Variants in CHN1 observed in about 807,000 individuals in gnomAD.
The protein encoded by CHN1 is N-chimaerin.
Under a neutral mutation model 59.5 loss-of-function variants are expected in CHN1, and 37 were observed. That is an observed-to-expected ratio of 0.62 (90% CI 0.48 to 0.82). CHN1 has a LOEUF of 0.82. CHN1 is among the 40% of genes least tolerant of loss of function. The pLI is 0.00. For synonymous variants in CHN1, 206 were observed against 200.4 expected (o/e 1.03, Z -0.24); for missense variants, 469 against 571.0 (o/e 0.82, Z 1.82).
At chr2:174,983,615 G>A (rs554209993) in intron 1 of CHN1, among the ~76,000 whole-genome samples, 2 of 152,068 alleles carry the variant, frequency 1.3e-5, no homozygotes, top group East Asian at 3.9e-4. Context: ...GGATCATAAG[G>A]TCAGGAGTTT....
intron 3 of CHN1, among the ~76,000 whole-genome samples, chr2:174,931,888 A>C (rs999188905): frequency 9.2e-5 from 14 of 152,196 alleles, no homozygotes; most frequent in Non-Finnish European, 1.5e-5. Context: ...GTATCTGAGA[A>C]GCATGAAGAC....
chr2:174,830,441 T>C (rs1031916121), intron 7 of CHN1, among the ~76,000 whole-genome samples: 1 of 152,172 alleles, frequency 6.6e-6, no homozygotes, highest in African/African-American at 2.4e-5. Flanking sequence ...TGCCTTGTTG[T>C]TAAGTTACGT....
chr2:174,931,723 TG>T (rs977688147), intron 3 of CHN1, among the ~76,000 whole-genome samples: 1 of 152,172 alleles, frequency 6.6e-6, no homozygotes, highest in African/African-American at 2.4e-5. Context: ...CTGGGAATGC[TG>T]GGGGGATGAT....
At chr2:174,892,621 C>G (rs1688087965) in intron 5 of CHN1, among the ~76,000 whole-genome samples, 1 of 152,166 alleles carries the variant, frequency 6.6e-6, no homozygotes, top group Non-Finnish European at 1.5e-5. Flanking sequence ...TTTTATGATG[C>G]TAGCATTACT....
intron 3 of CHN1, among the ~76,000 whole-genome samples, chr2:174,923,712 A>G (rs1044020971): frequency 2.0e-5 from 3 of 152,178 alleles, no homozygotes; most frequent in Admixed American, 1.3e-4. Context: ...ACATTTCCCA[A>G]TCCAAGACAA....
At chr2:174,815,165 C>T (rs1050036261) in intron 8 of CHN1, among the ~76,000 whole-genome samples, 23 of 152,044 alleles carry the variant, frequency 1.5e-4, no homozygotes, top group African/African-American at 5.3e-4. Flanking sequence ...TTGCTTAAGG[C>T]CAGGAGTTTG....
chr2:174,926,676 T>G (rs1362630460), intron 3 of CHN1, among the ~76,000 whole-genome samples: 2 of 151,964 alleles, frequency 1.3e-5, no homozygotes, highest in Non-Finnish European at 2.9e-5. Context: ...TTTCCCTATC[T>G]CCCCTCACAA....
At chr2:174,886,960 C>T (rs556499085) in intron 5 of CHN1, among the ~76,000 whole-genome samples, 6 of 152,304 alleles carry the variant, frequency 3.9e-5, no homozygotes, top group African/African-American at 1.2e-4. Flanking sequence ...CCAATACCTC[C>T]AATGGCTTCC....
At chr2:174,888,889 A>T (rs1372712917) in intron 5 of CHN1, among the ~76,000 whole-genome samples, 1 of 152,242 alleles carries the variant, frequency 6.6e-6, no homozygotes, top group Non-Finnish European at 1.5e-5. Flanking sequence ...AAGAGGTCTT[A>T]TGGTGCCACA....
intron 7 of CHN1, among the ~76,000 whole-genome samples, chr2:174,826,863 T>C (rs1450474051): frequency 6.6e-6 from 1 of 152,214 alleles, no homozygotes; most frequent in Admixed American, 6.5e-5. Flanking sequence ...CTTTAGGATA[T>C]TGTTATTTAT....
chr2:174,861,194 T>A (rs966067393), intron 6 of CHN1, among the ~76,000 whole-genome samples: 2 of 152,204 alleles, frequency 1.3e-5, no homozygotes, highest in African/African-American at 4.8e-5. Context: ...AAAACTGGAA[T>A]GAAGATAGTA....
chr2:174,828,542 T>C (rs1685768963), intron 7 of CHN1, among the ~76,000 whole-genome samples: 1 of 152,216 alleles, frequency 6.6e-6, no homozygotes, highest in African/African-American at 2.4e-5. Context: ...TCTAGCACAA[T>C]ACTAATAGGT....
intron 3 of CHN1, among the ~76,000 whole-genome samples, chr2:174,940,487 G>A (rs1182281921): frequency 6.6e-6 from 1 of 151,708 alleles, no homozygotes; most frequent in Non-Finnish European, 1.5e-5. Flanking sequence ...TGAATCTGAT[G>A]GCCATGTCTC....
chr2:174,898,437 T>A (rs1365357045), intron 5 of CHN1, among the ~76,000 whole-genome samples: 3 of 101,502 alleles, frequency 3.0e-5, no homozygotes, highest in Non-Finnish European at 3.9e-5. Flanking sequence ...CCGTCTCTAC[T>A]GAAAAAAAAA....
intron 8 of CHN1, among the ~76,000 whole-genome samples, chr2:174,822,670 A>G (rs964892704): frequency 2.0e-5 from 3 of 152,226 alleles, no homozygotes; most frequent in Non-Finnish European, 4.4e-5. Flanking sequence ...GTGCTTTGGA[A>G]AGAGTATTCC....
chr2:174,827,979 T>C (rs980398381), intron 7 of CHN1, among the ~76,000 whole-genome samples: 2 of 151,998 alleles, frequency 1.3e-5, no homozygotes, highest in African/African-American at 2.4e-5. Context: ...TCTGGAGAAG[T>C]CAAATGTTGG....
chr2:174,893,891 A>G (rs998937420), intron 5 of CHN1, among the ~76,000 whole-genome samples: 1 of 152,212 alleles, frequency 6.6e-6, no homozygotes, highest in Non-Finnish European at 1.5e-5. Context: ...TAGTCTCTTC[A>G]ACAAACAGTG....
chr2:174,981,798 T>G (rs561474262), intron 1 of CHN1, among the ~76,000 whole-genome samples: 1 of 152,014 alleles, frequency 6.6e-6, no homozygotes, highest in East Asian at 1.9e-4. Context: ...CACACGAATT[T>G]TTTTTTTATT....
At chr2:174,958,171 G>T (rs1312739751) in intron 1 of CHN1, among the ~76,000 whole-genome samples, 1 of 118,672 alleles carries the variant, frequency 8.4e-6, no homozygotes, top group African/African-American at 3.2e-5. Flanking sequence ...CAGGAGGAGA[G>T]AAGGAAGGGA....
Sources: gnomAD v4.1 joint callset for allele counts (sites outside exome capture counted in the v4.1 genomes callset) on GRCh38, gnomAD v4.1.1 for gene constraint, MANE v1.5 for transcripts, NCBI Gene and HGNC (gene_info 2026-07-23, HGNC 2026-07-21) for gene names.